Variants in EYS observed in about 807,000 individuals in gnomAD.
The protein encoded by EYS is EGF-like photoreceptor maintenance factor, also known as protein eyes shut homolog.
A neutral mutation model predicts 282.1 loss-of-function variants in EYS; 250 were observed. That is an observed-to-expected ratio of 0.89 (90% CI 0.80 to 0.98). The LOEUF (loss-of-function observed/expected upper bound fraction) is 0.98, where lower values mean the gene tolerates loss of function less well. Among genes scored for constraint, EYS ranks in the 50% least tolerant of loss-of-function variants. The pLI is 0.00. For missense variants in EYS, 4,016 were observed against 3,709.0 expected, an observed-to-expected ratio of 1.08 and a Z score of -2.15; for synonymous variants, 1,355 against 1,282.9, an observed-to-expected ratio of 1.06 and a Z score of -1.20.
chr6:63,983,872 A>G (rs996300880), intron 35 of EYS, among the ~76,000 whole-genome samples: 1 of 151,780 alleles, frequency 6.6e-6, no homozygotes, highest in Non-Finnish European at 1.5e-5. Context: ...AAGCATGATA[A>G]ATCTGCTTCA....
At chr6:64,123,030 T>C (rs1773642511) in intron 31 of EYS, among the ~76,000 whole-genome samples, 1 of 152,118 alleles carries the variant, frequency 6.6e-6, no homozygotes, top group Non-Finnish European at 1.5e-5. Flanking sequence ...TTTTAAAGAA[T>C]TTACAGTCTA....
In EYS at chr6:63,788,228, A is replaced by G. The variant is rs1260597550; in HGVS notation, c.7600T>C (p.Ser2534Pro). The G allele has an allele frequency of 1.3e-6, 2 of 1,536,532 alleles. No homozygotes were observed. The highest frequency in any genetic ancestry group is 1.4e-5 in the African/African-American group (1 of 72,184). Residue 2534 changes from serine to proline, a missense_variant, in exon 39 of 43, where the codon TCC becomes CCC. By Grantham distance (74) the Ser-to-Pro change is moderately conservative (BLOSUM62 -1). Coordinates refer to ENST00000503581, the MANE Select transcript of EYS (RefSeq NM_001142800.2). Reference protein sequence around the residue: ...WLKVDDHKNKSIIAPGRLVGL... With the variant: ...WLKVDDHKNKPIIAPGRLVGL... ...ACCAGTCTTCCTGGGGCGATAATGG[A>G]TTTATTTTTATGATCATCTACCTTC...
At chr6:65,464,914 C>A (rs541697814) in intron 5 of EYS, among the ~76,000 whole-genome samples, 2 of 152,262 alleles carry the variant, frequency 1.3e-5, no homozygotes, top group African/African-American at 4.8e-5. Context: ...AAGGTATCCA[C>A]ATGACCTAAT....
At chr6:65,243,796 C>T (rs994043748) in intron 12 of EYS, among the ~76,000 whole-genome samples, 3 of 152,066 alleles carry the variant, frequency 2.0e-5, no homozygotes, top group African/African-American at 7.2e-5. Context: ...GTAATCCTAG[C>T]TACTCTGTAG....
intron 19 of EYS, among the ~76,000 whole-genome samples, chr6:64,852,351 T>C (rs1305689667): frequency 6.6e-6 from 1 of 152,060 alleles, no homozygotes; most frequent in Non-Finnish European, 1.5e-5. Context: ...GTAAAAAGGC[T>C]TGACTGTCTT....
At chr6:64,554,992 A>G (rs1441610842) in intron 26 of EYS, among the ~76,000 whole-genome samples, 1 of 151,972 alleles carries the variant, frequency 6.6e-6, no homozygotes, top group African/African-American at 2.4e-5. Flanking sequence ...TAGCACTACC[A>G]TATGCTCCAG....
chr6:64,735,757 T>C (rs1772167381), intron 22 of EYS, among the ~76,000 whole-genome samples: 1 of 152,146 alleles, frequency 6.6e-6, no homozygotes. Flanking sequence ...TTGACATAAA[T>C]GTAGTTTGGC....
intron 29 of EYS, among the ~76,000 whole-genome samples, chr6:64,378,374 A>G (rs995131636): frequency 4.6e-5 from 7 of 152,116 alleles, no homozygotes; most frequent in Admixed American, 6.5e-5. Flanking sequence ...TAAACTAAAT[A>G]TTTAAAAAAT....
intron 22 of EYS, among the ~76,000 whole-genome samples, chr6:64,806,780 A>G (rs1291711282): frequency 6.6e-6 from 1 of 152,022 alleles, no homozygotes; most frequent in Non-Finnish European, 1.5e-5. Context: ...GTGGGGATGG[A>G]TGAGGACTCG....
chr6:63,911,941 T>C (rs1490634265), intron 35 of EYS, among the ~76,000 whole-genome samples: 2 of 152,222 alleles, frequency 1.3e-5, no homozygotes, highest in Non-Finnish European at 1.5e-5. Context: ...AAGGAGCTAA[T>C]GATTTAAAGG....
chr6:63,905,490 C>G (rs753926282), intron 35 of EYS, among the ~76,000 whole-genome samples: 1 of 151,766 alleles, frequency 6.6e-6, no homozygotes, highest in African/African-American at 2.4e-5. Context: ...CCACCACGCC[C>G]GGCTAATTTT....
chr6:64,044,233 C>T (rs1770521148), intron 33 of EYS, among the ~76,000 whole-genome samples: 1 of 152,190 alleles, frequency 6.6e-6, no homozygotes. Context: ...GTTGCAGGTC[C>T]TACATTGAAT....
At chr6:64,925,062 C>A (rs368722157) in intron 15 of EYS, among the ~76,000 whole-genome samples, 4 of 152,012 alleles carry the variant, frequency 2.6e-5, no homozygotes, top group Admixed American at 2.6e-4. Context: ...AAGATATACC[C>A]GAGACTGGGA....
intron 22 of EYS, among the ~76,000 whole-genome samples, chr6:64,798,524 T>C (rs949706104): frequency 3.3e-5 from 5 of 151,018 alleles, no homozygotes; most frequent in Non-Finnish European, 5.9e-5. Context: ...TGTAGTTCTG[T>C]GCATATTAAT....
chr6:65,182,072 G>T (rs1036419671), intron 12 of EYS, among the ~76,000 whole-genome samples: 1 of 151,950 alleles, frequency 6.6e-6, no homozygotes, highest in Non-Finnish European at 1.5e-5. Context: ...TAGGGGTAGG[G>T]GGGAGGGATA....
At chr6:64,080,408 TTG>T in intron 32 of EYS, among the ~76,000 whole-genome samples, 1 of 152,166 alleles carries the variant, frequency 6.6e-6, no homozygotes, top group Non-Finnish European at 1.5e-5. Flanking sequence ...ATGGGGTTGT[TTG>T]TTTTTTTTCT....
intron 26 of EYS, among the ~76,000 whole-genome samples, chr6:64,476,273 C>T (rs1177002045): frequency 6.6e-6 from 1 of 152,130 alleles, no homozygotes; most frequent in East Asian, 1.9e-4. Flanking sequence ...CTTTATATTG[C>T]ATGCTTCTAT....
intron 15 of EYS, among the ~76,000 whole-genome samples, chr6:64,921,805 C>G (rs932150129): frequency 6.6e-6 from 1 of 151,988 alleles, no homozygotes; most frequent in African/African-American, 2.4e-5. Flanking sequence ...TAATCCCAAG[C>G]CAAAGCACAA....
intron 33 of EYS, among the ~76,000 whole-genome samples, chr6:64,007,132 A>T (rs1021895270): frequency 6.6e-6 from 1 of 151,986 alleles, no homozygotes; most frequent in Non-Finnish European, 1.5e-5. Flanking sequence ...GTACTGGGCT[A>T]TTTCTGGTTG....
Sources: allele counts gnomAD v4.1 joint callset (sites outside exome capture counted in the v4.1 genomes callset), GRCh38; gene constraint gnomAD v4.1.1; transcripts MANE v1.5; gene names NCBI Gene and HGNC (gene_info 2026-07-23, HGNC 2026-07-21).